EYA1: variants seen among roughly 807,000 people sequenced by gnomAD.
The protein encoded by EYA1 is EYA transcriptional coactivator and phosphatase 1.
EYA1 carries 16 observed loss-of-function variants against 82.0 expected under a neutral mutation model. The observed-to-expected ratio is 0.20, with a 90% CI of 0.13 to 0.30. The LOEUF is 0.30. Ranked by LOEUF, EYA1 falls within the 10% of genes least tolerant of loss-of-function variation. The pLI, the probability that EYA1 is intolerant of heterozygous loss-of-function variation, is 1.00. For missense variants in EYA1, 633 were observed against 730.7 expected (o/e 0.87, Z 1.54); for synonymous variants, 261 against 264.4 (o/e 0.99, Z 0.12).
rs115574214 is a variant in EYA1, at chr8:71,326,868, G to A, written c.203-4600C>T. Among the ~76,000 whole-genome samples, 1,445 of 152,160 alleles carry A rather than the reference G, an allele frequency of 9.5e-3. 29 individuals are homozygous for A. Among genetic ancestry groups the A allele is most frequent in the African/African-American group, 0.033 (1,386 of 41,512 alleles). On this transcript the variant is annotated intron_variant, in intron 4 of 17. Coordinates refer to ENST00000340726, the MANE Select transcript of EYA1 (RefSeq NM_000503.6). ...ATTCACCCCATAAAGCACCTTCCAT[G>A]CATCAAACAGTGACCTCTCAAAAAC...
At chr8:71,406,033 T>C (rs1453724999) in intron 2 of EYA1, among the ~76,000 whole-genome samples, 3 of 152,136 alleles carry the variant, frequency 2.0e-5, no homozygotes, top group Non-Finnish European at 4.4e-5. Flanking sequence ...GAGAAACAAC[T>C]CAATTTCTTT....
At chr8:71,376,404 G>A (rs944672256) in intron 2 of EYA1, among the ~76,000 whole-genome samples, 2 of 152,154 alleles carry the variant, frequency 1.3e-5, no homozygotes, top group Non-Finnish European at 2.9e-5. Context: ...ACTAAAGGTG[G>A]CTTTTGTTTG....
chr8:71,510,987 C>T (rs1020689955), intron 2 of EYA1, among the ~76,000 whole-genome samples: 7 of 152,048 alleles, frequency 4.6e-5, no homozygotes, highest in South Asian at 4.2e-4. Context: ...GAGGTCTTTG[C>T]AATATTTCTT....
intron 11 of EYA1, among the ~76,000 whole-genome samples, chr8:71,247,827 G>A (rs763764940): frequency 6.6e-5 from 10 of 152,058 alleles, no homozygotes; most frequent in Admixed American, 4.6e-4. Flanking sequence ...ATTCCCTCTA[G>A]CTCAGGCCAA....
rs1342127067 is a variant in EYA1 at position 71,299,064 on chromosome 8, A to C, written c.809T>G (p.Val270Gly). The change falls in exon 9 of 18, where the codon GTT becomes GGT. Residue 270 changes from valine (V) to glycine (G), a missense_variant. Coordinates refer to ENST00000340726, the MANE Select transcript of EYA1 (RefSeq NM_000503.6). ...EPPSGITSQA[V>G]TDPTAEYSTI... Reference sequence around the variant, plus strand: ...ATAATTACCTGCTGTGGGATCTGTAACTGCTTGGCTGGTGATGCCAGATGG... The same window carrying C: ...ATAATTACCTGCTGTGGGATCTGTACCTGCTTGGCTGGTGATGCCAGATGG... The C allele has an allele frequency of 6.2e-7, 1 of 1,614,108 alleles. No individual in the cohort carries two copies. The highest frequency in any genetic ancestry group is 1.3e-5 in the African/African-American group (1 of 75,042).
intron 12 of EYA1, among the ~76,000 whole-genome samples, chr8:71,237,977 C>T (rs984595279): frequency 3.3e-5 from 5 of 152,062 alleles, no homozygotes; most frequent in Non-Finnish European, 7.4e-5. Context: ...TTGCCTTTAT[C>T]TCTGATTAGT....
At chr8:71,364,843 C>A (rs1222064796), upstream of EYA1, among the ~76,000 whole-genome samples, 1 of 149,866 alleles carries the variant, frequency 6.7e-6, no homozygotes, top group Non-Finnish European at 1.5e-5. Flanking sequence ...CAGCTGTTGC[C>A]TAGATACCTG....
chr8:71,408,772 T>C (rs1830422746), intron 2 of EYA1, among the ~76,000 whole-genome samples: 1 of 140,278 alleles, frequency 7.1e-6, no homozygotes, highest in Non-Finnish European at 1.5e-5. Context: ...ACATTAATAA[T>C]GGGGGACTTT....
chr8:71,319,669 C>T (rs533200078), intron 6 of EYA1, among the ~76,000 whole-genome samples: 33 of 152,132 alleles, frequency 2.2e-4, no homozygotes, highest in Non-Finnish European at 2.8e-4. Flanking sequence ...TAAAAAGATA[C>T]ACCAACCTTT....
chr8:71,354,232 C>G (rs1826613637), intron 3 of EYA1, among the ~76,000 whole-genome samples: 1 of 151,956 alleles, frequency 6.6e-6, no homozygotes, highest in African/African-American at 2.4e-5. Flanking sequence ...GTGTATATCA[C>G]CTAAATGCTG....
At chr8:71,308,033 T>A (rs1014610682) in intron 7 of EYA1, among the ~76,000 whole-genome samples, 2 of 152,204 alleles carry the variant, frequency 1.3e-5, no homozygotes, top group African/African-American at 4.8e-5. Context: ...ATTTCCAACA[T>A]CATCATGTGA....
intron 3 of EYA1, among the ~76,000 whole-genome samples, chr8:71,340,518 A>G (rs565182672): frequency 1.3e-5 from 2 of 152,296 alleles, no homozygotes; most frequent in South Asian, 4.1e-4. Flanking sequence ...CTGACATTGA[A>G]TATTCTACAA....
chr8:71,541,402 T>A (rs903720215), intron 1 of EYA1, among the ~76,000 whole-genome samples: 1 of 152,232 alleles, frequency 6.6e-6, no homozygotes, highest in Non-Finnish European at 1.5e-5. Context: ...AAAGTAAATA[T>A]GATCAAATTT....
intron 2 of EYA1, among the ~76,000 whole-genome samples, chr8:71,479,128 A>G (rs1187000354): frequency 6.6e-6 from 1 of 151,796 alleles, no homozygotes; most frequent in Non-Finnish European, 1.5e-5. Flanking sequence ...CTCACCTCCA[A>G]CTTTCCTAAC....
intron 2 of EYA1, among the ~76,000 whole-genome samples, chr8:71,388,304 A>C (rs112719248): frequency 0.011 from 1,681 of 152,318 alleles, 14 homozygotes; most frequent in Non-Finnish European, 0.018. Flanking sequence ...GCCACTGATA[A>C]TTATGACCAG....
intron 2 of EYA1, among the ~76,000 whole-genome samples, chr8:71,412,238 G>C (rs187317654): frequency 1.9e-4 from 20 of 107,958 alleles, no homozygotes; most frequent in Non-Finnish European, 3.5e-4. Flanking sequence ...GTGGGGTGGG[G>C]GGAGGGGGGA....
chr8:71,266,514 C>T (rs1488229416), intron 11 of EYA1, among the ~76,000 whole-genome samples: 2 of 152,160 alleles, frequency 1.3e-5, no homozygotes, highest in African/African-American at 4.8e-5. Context: ...AATTCAACAT[C>T]CTAAACCATG....
chr8:71,332,908 A>G (rs567275484), intron 4 of EYA1, among the ~76,000 whole-genome samples: 2 of 152,166 alleles, frequency 1.3e-5, no homozygotes, highest in African/African-American at 2.4e-5. Context: ...TCTCTCTCTC[A>G]GTGCTTCTTT....
At chr8:71,478,296 C>T (rs1809826404) in intron 2 of EYA1, among the ~76,000 whole-genome samples, 1 of 151,976 alleles carries the variant, frequency 6.6e-6, no homozygotes, top group Non-Finnish European at 1.5e-5. Context: ...GATCAGCATC[C>T]AACTTTATAA....
Sources: gnomAD v4.1 joint callset for allele counts (sites outside exome capture counted in the v4.1 genomes callset) on GRCh38, gnomAD v4.1.1 for gene constraint, MANE v1.5 for transcripts, NCBI Gene and HGNC (gene_info 2026-07-23, HGNC 2026-07-21) for gene names.